HNF1A: variants seen among roughly 807,000 people sequenced by gnomAD.
HNF1A encodes HNF1 homeobox A.
In HNF1A, 21 loss-of-function variants were observed where a neutral mutation model predicts 62.2. The observed-to-expected ratio is 0.34, with a 90% CI of 0.24 to 0.49. HNF1A has a LOEUF of 0.49. Among genes scored for constraint, HNF1A ranks in the 20% least tolerant of loss-of-function variants. The pLI is 0.99. For synonymous variants in HNF1A, 374 were observed against 366.8 expected, an observed-to-expected ratio of 1.02 and a Z score of -0.22; for missense variants, 687 against 832.3, an observed-to-expected ratio of 0.83 and a Z score of 2.15.
chr12:120,979,110 C>G lies in HNF1A; in HGVS notation c.326+16C>G. ...CCCTTCTGCAGTAAGGAGCCCTGCC[C>G]CGTCCCCGCTCCCAGGAGAGCCTAG... On this transcript the variant is annotated intron_variant, in intron 1 of 9. Transcript: ENST00000257555. 1 of 1,596,994 alleles carries G rather than the reference C, an allele frequency of 6.3e-7. No individual in the cohort carries two copies. The highest frequency in any genetic ancestry group is 8.5e-7 in the Non-Finnish European group (1 of 1,172,140).
intron 7 of HNF1A, chr12:120,998,173 G>C (rs1323934714): frequency 3.9e-6 from 1 of 256,010 alleles, no homozygotes; most frequent in African/African-American, 2.2e-5. Flanking sequence ...CCAGCTACTT[G>C]GGAGGCTGAG....
chr12:120,990,916 G>A (rs943261137), intron 2 of HNF1A, among the ~76,000 whole-genome samples: 1 of 152,072 alleles, frequency 6.6e-6, no homozygotes, highest in African/African-American at 2.4e-5. Flanking sequence ...TGATTAATGG[G>A]AACATACTAG....
At chr12:120,998,917 T>C (rs532079892) in intron 7 of HNF1A, among the ~76,000 whole-genome samples, 24 of 152,314 alleles carry the variant, frequency 1.6e-4, no homozygotes, top group Middle Eastern at 3.4e-3. Context: ...TTTAGTACAG[T>C]AGCACCTGCG....
At chr12:120,993,791 A>G in intron 3 of HNF1A, 85 bp downstream of exon 3, 2 of 1,412,408 alleles carry the variant, frequency 1.4e-6, no homozygotes, top group Non-Finnish European at 2.0e-6. Flanking sequence ...AGGTCCTGTA[A>G]AAGGCTGTCC....
At chr12:120,981,797 T>C (rs904612726) in intron 1 of HNF1A, among the ~76,000 whole-genome samples, 1 of 152,210 alleles carries the variant, frequency 6.6e-6, no homozygotes, top group African/African-American at 2.4e-5. Flanking sequence ...TTCTATCTCC[T>C]GCCATGAAAA....
At chr12:120,981,692 C>A (rs1367492879) in intron 1 of HNF1A, among the ~76,000 whole-genome samples, 1 of 152,218 alleles carries the variant, frequency 6.6e-6, no homozygotes, top group Admixed American at 6.5e-5. Context: ...TTGCTCCATC[C>A]AAAAGGGGGC....
intron 7 of HNF1A, 101 bp downstream of exon 7, chr12:120,997,766 T>C (rs1297464660): frequency 8.1e-7 from 1 of 1,232,846 alleles, no homozygotes; most frequent in Admixed American, 2.0e-5. Flanking sequence ...AGTCTGCATG[T>C]GTCTCTGGGA....
At chr12:120,998,161 T>C (rs2135848912) in intron 7 of HNF1A, 1 of 267,940 alleles carries the variant, frequency 3.7e-6, no homozygotes, top group East Asian at 9.1e-5. Context: ...GTGCCTGTAG[T>C]CCCAGCTACT....
intron 1 of HNF1A, among the ~76,000 whole-genome samples, 190 bp downstream of exon 1, chr12:120,979,284 G>A (rs1337203540): frequency 1.3e-5 from 2 of 152,200 alleles, no homozygotes; most frequent in Non-Finnish European, 2.9e-5. Context: ...CCCCTGAACT[G>A]CTCCTCTGCA....
intron 2 of HNF1A, among the ~76,000 whole-genome samples, chr12:120,990,537 C>T (rs529938294): frequency 6.6e-6 from 1 of 151,450 alleles, no homozygotes; most frequent in Non-Finnish European, 1.5e-5. Flanking sequence ...CCCAGGGGTT[C>T]GGCTCCAACC....
At chr12:120,986,705 G>A (rs1055872811) in intron 1 of HNF1A, among the ~76,000 whole-genome samples, 2 of 152,138 alleles carry the variant, frequency 1.3e-5, no homozygotes, top group East Asian at 3.8e-4. Flanking sequence ...TCAGCCTCCC[G>A]AGTAGCCGGG....
rs562820506 is a variant in HNF1A, at chr12:120,996,913, C to A, written c.1309+171C>A. 2 of 1,509,806 alleles carry A rather than the reference C, an allele frequency of 1.3e-6. No homozygotes were observed. The highest frequency in any genetic ancestry group is 2.0e-5 in the Admixed American group (1 of 50,882). The allele number at this position is 1,509,806 out of a possible 1,614,324, so 93.5% of individuals were successfully genotyped here. A position where few individuals can be genotyped will look rare whatever the true frequency, so the allele number is the denominator to read the frequency against. The stretch of plus-strand genomic sequence containing the variant: ...CTACATCAGTGATACCTGGGTGAAC[C>A]AAACAGACCAAAATCTCAGCAACTC... On this transcript the variant is annotated intron_variant, in intron 6 of 9. Transcript: ENST00000257555. The surrounding 1 kb of genome is among the most constrained non-coding windows in gnomAD (Gnocchi z 4.5).
At chr12:120,992,855 T>C (rs778969192) in intron 2 of HNF1A, among the ~76,000 whole-genome samples, 6 of 152,150 alleles carry the variant, frequency 3.9e-5, no homozygotes, top group African/African-American at 7.2e-5. Context: ...GGCACTGAGA[T>C]GGTGAGGGCC....
chr12:120,997,892 T>C lies in HNF1A; in HGVS notation c.1501+227T>C, dbSNP rs1478048288. 5.8e-6 allele frequency: 4 copies of C among 692,402 alleles called. No homozygotes were observed. The African/African-American group carries it at 7.0e-5, about 12-fold the overall frequency. 42.9% of individuals were successfully genotyped at this position (692,402 alleles called of 1,614,324 possible). A position where few individuals can be genotyped will look rare whatever the true frequency, so the allele number is the denominator to read the frequency against. ...AGCAGATCCCTAGTGCGTGTCTGGG[T>C]GTGTATCGGTTGTGCATGCATTTGT... On this transcript the variant is annotated intron_variant, in intron 7 of 9. Transcript: ENST00000257555.
chr12:120,983,250 C>T (rs1200885839), intron 1 of HNF1A, among the ~76,000 whole-genome samples: 1 of 152,184 alleles, frequency 6.6e-6, no homozygotes, highest in African/African-American at 2.4e-5. Context: ...TCCAGGGCTG[C>T]ATTGTTAAGA....
In HNF1A at chr12:120,996,284, G is replaced by A. The variant is rs200351196; in HGVS notation, c.978G>A (p.Ala326=). 3.7e-5 allele frequency: 59 copies of A among 1,614,102 alleles called. No homozygotes were observed. Among genetic ancestry groups the A allele is most frequent in the Admixed American group, 1.0e-4 (6 of 60,016 alleles). The change falls in exon 5 of 10, where the codon GCG becomes GCA. Residue 326 remains alanine, a synonymous_variant. Transcript: ENST00000257555. This position sits in a 1 kb window ranked among gnomAD's most constrained non-coding sequence, Gnocchi z 4.5. ...CAGGTGTGCGCTATGGACAGCCTGC[G>A]ACCAGTGAGACTGCAGAAGTACCCT... The part of the protein sequence containing the change: ...KVHGVRYGQP[A]TSETAEVPSS...
chr12:120,978,672 T>A lies in HNF1A; in HGVS notation c.-97T>A. 1 of 1,184,414 alleles carries A rather than the reference T, an allele frequency of 8.4e-7. No homozygotes were observed. The highest frequency in any genetic ancestry group is 1.3e-6 in the Non-Finnish European group (1 of 799,298). The allele number at this position is 1,184,414 out of a possible 1,614,324, so 73.4% of individuals were successfully genotyped here. A position where few individuals can be genotyped will look rare whatever the true frequency, so the allele number is the denominator to read the frequency against. On this transcript the variant is annotated 5_prime_UTR_variant, in exon 1 of 10. Transcript: ENST00000257555. ...GGGGCAGTGGGTGCAAGGAGTTTGG[T>A]TTGTGTCTGCCGGCCGGCAGGCAAA...
At chr12:120,980,891 G>A (rs1192876425) in intron 1 of HNF1A, 2 of 152,162 alleles carry the variant, frequency 1.3e-5, no homozygotes, top group African/African-American at 4.8e-5. Context: ...AAGGGGCACG[G>A]GAGAGAATGA....
At chr12:120,983,040 C>T (rs1437448812) in intron 1 of HNF1A, among the ~76,000 whole-genome samples, 2 of 152,186 alleles carry the variant, frequency 1.3e-5, no homozygotes, top group African/African-American at 4.8e-5. Flanking sequence ...GGTCTAAAGC[C>T]CCCACACTGA....
Sources: gnomAD v4.1 joint callset for allele counts (sites outside exome capture counted in the v4.1 genomes callset) on GRCh38, gnomAD v4.1.1 for gene constraint, Gnocchi (gnomAD v3.1) non-coding constraint, MANE v1.5 for transcripts, NCBI Gene and HGNC (gene_info 2026-07-23, HGNC 2026-07-21) for gene names.